STXBP6: variants seen among roughly 807,000 people sequenced by gnomAD.
STXBP6 encodes the protein syntaxin binding protein 6.
In STXBP6, 21 loss-of-function variants were observed where a neutral mutation model predicts 26.9. The observed-to-expected ratio is 0.78, with a 90% CI of 0.55 to 1.12. The LOEUF is 1.12. Among genes scored for constraint, STXBP6 ranks in the 50% most tolerant of loss-of-function variants. STXBP6 has a pLI of 0.00. For missense variants in STXBP6, 232 were observed against 257.9 expected, an observed-to-expected ratio of 0.90 and a Z score of 0.69; for synonymous variants, 97 against 92.6, an observed-to-expected ratio of 1.05 and a Z score of -0.27.
At chr14:24,952,106 G>T (rs576670648) in intron 2 of STXBP6, among the ~76,000 whole-genome samples, 61 of 151,494 alleles carry the variant, frequency 4.0e-4, no homozygotes, top group African/African-American at 1.5e-3. Context: ...AGAGGCAGTG[G>T]ATGGGAAATA....
At chr14:25,044,219 A>G (rs923606751) in intron 1 of STXBP6, among the ~76,000 whole-genome samples, 6 of 150,942 alleles carry the variant, frequency 4.0e-5, no homozygotes, top group Admixed American at 2.6e-4. Context: ...ATGAATATTC[A>G]TATTTTCATG....
intron 1 of STXBP6, among the ~76,000 whole-genome samples, chr14:25,031,909 C>T (rs1157868278): frequency 6.6e-6 from 1 of 151,928 alleles, no homozygotes; most frequent in Non-Finnish European, 1.5e-5. Context: ...TGGACCCCAA[C>T]GAAGAGCCTA....
intron 2 of STXBP6, among the ~76,000 whole-genome samples, chr14:24,963,336 T>C (rs918584400): frequency 5.9e-5 from 9 of 152,200 alleles, no homozygotes; most frequent in African/African-American, 1.9e-4. Flanking sequence ...TCTCAAGGAA[T>C]GAAGGCCAGG....
intron 2 of STXBP6, among the ~76,000 whole-genome samples, chr14:24,957,093 T>C (rs2073368486): frequency 6.6e-6 from 1 of 152,160 alleles, no homozygotes; most frequent in African/African-American, 2.4e-5. Flanking sequence ...GTGGTCTTAC[T>C]TAATTTACAC....
Position 24,810,368 on chromosome 14 carries a change from C to T in STXBP6, c.*2341G>A, listed in dbSNP as rs2138635827. 1 of 152,364 alleles carries T rather than the reference C, an allele frequency of 6.6e-6. No homozygotes were observed. Among genetic ancestry groups the T allele is most frequent in the Middle Eastern group, 3.4e-3 (1 of 298 alleles). The allele number at this position is 152,364 out of a possible 1,614,324, so 9.4% of individuals were successfully genotyped here. Reference sequence around the variant, plus strand: ...ACTTCACATGTGTTATCACTGGGCTCCTCTGCAAGAGGCTGGGAGGTAAAG... The same window carrying T: ...ACTTCACATGTGTTATCACTGGGCTTCTCTGCAAGAGGCTGGGAGGTAAAG... On this transcript the variant is annotated 3_prime_UTR_variant, in exon 6 of 6. Transcript: ENST00000323944.
At chr14:24,822,114 A>G (rs915122148) in intron 4 of STXBP6, among the ~76,000 whole-genome samples, 5 of 152,140 alleles carry the variant, frequency 3.3e-5, no homozygotes, top group African/African-American at 1.2e-4. Flanking sequence ...AGAATGACCC[A>G]AAGTCATCTT....
chr14:24,987,507 C>A (rs534689141), intron 1 of STXBP6, among the ~76,000 whole-genome samples: 1 of 152,360 alleles, frequency 6.6e-6, no homozygotes, highest in East Asian at 1.9e-4. Context: ...AGCAGGCAAG[C>A]ACATCAGCAT....
intron 2 of STXBP6, among the ~76,000 whole-genome samples, chr14:24,859,582 A>G (rs749258858): frequency 1.2e-4 from 18 of 152,138 alleles, no homozygotes; most frequent in Non-Finnish European, 2.2e-4. Context: ...AAAATACGCC[A>G]GTCACACAAA....
intron 2 of STXBP6, among the ~76,000 whole-genome samples, chr14:24,879,065 C>T (rs942344371): frequency 1.3e-5 from 2 of 151,740 alleles, no homozygotes; most frequent in Non-Finnish European, 2.9e-5. Context: ...AAATAAACAA[C>T]AAAAAACAAA....
At chr14:24,817,939 A>G (rs2068027508) in intron 5 of STXBP6, 1 of 413,390 alleles carries the variant, frequency 2.4e-6, no homozygotes, top group Non-Finnish European at 4.8e-6. Flanking sequence ...GGCAGGAGTC[A>G]TCCACTTAGA....
intron 1 of STXBP6, among the ~76,000 whole-genome samples, chr14:25,031,666 A>G (rs1169778047): frequency 1.3e-5 from 2 of 152,146 alleles, no homozygotes; most frequent in Non-Finnish European, 2.9e-5. Context: ...CAAAATAAAA[A>G]TGAGTGGTAA....
At chr14:24,994,442 T>C (rs918952376) in intron 1 of STXBP6, among the ~76,000 whole-genome samples, 22 of 152,174 alleles carry the variant, frequency 1.4e-4, no homozygotes, top group Admixed American at 1.4e-3. Flanking sequence ...CAAACCACTC[T>C]GAATTTCCTT....
intron 2 of STXBP6, among the ~76,000 whole-genome samples, chr14:24,943,613 T>C (rs966135050): frequency 1.3e-5 from 2 of 152,262 alleles, no homozygotes; most frequent in East Asian, 3.8e-4. Context: ...GGTTTACTTC[T>C]GAAGGAGGAC....
chr14:24,818,142 G>A (rs535844759), intron 5 of STXBP6: 8 of 456,686 alleles, frequency 1.8e-5, no homozygotes, highest in South Asian at 1.2e-4. Context: ...CAGATCATAA[G>A]CCTGACATGC....
intron 5 of STXBP6, 91 bp from the exon 6 acceptor site, chr14:24,812,823 A>G: frequency 4.8e-6 from 6 of 1,253,348 alleles, no homozygotes; most frequent in Non-Finnish European, 7.0e-6. Flanking sequence ...CACCTCCACA[A>G]TGAGAAGCAG....
At chr14:24,933,135 G>A (rs1416351160) in intron 2 of STXBP6, among the ~76,000 whole-genome samples, 2 of 152,308 alleles carry the variant, frequency 1.3e-5, no homozygotes, top group South Asian at 2.1e-4. Context: ...GATCTCAGGA[G>A]TTTGAGACCA....
At position 24,918,450 on chromosome 14, in the gene STXBP6, C is replaced by CA. The variant is rs2071849139; in HGVS notation, c.154+56214dup. Among the ~76,000 whole-genome samples the CA allele has an allele frequency of 1.7e-4, 16 of 95,924 alleles. No homozygotes were observed. The Admixed American group carries it at 1.7e-3, about 10-fold the overall frequency. The allele number at this position is 95,924 out of a possible 152,430, so 62.9% of individuals were successfully genotyped here. On this transcript the variant is annotated intron_variant, in intron 2 of 5. Coordinates refer to ENST00000323944, the MANE Select transcript of STXBP6 (RefSeq NM_001394410.1). ...GATTATTTCTTAAAAACCACACCCC[C>CA]ACCACACACACACACACACACACAC... is the stretch of plus-strand genomic sequence containing the variant.
At chr14:24,853,166 AC>A (rs926089379) in intron 4 of STXBP6, among the ~76,000 whole-genome samples, 7 of 152,070 alleles carry the variant, frequency 4.6e-5, no homozygotes. Flanking sequence ...ATAGGAAGAG[AC>A]CAAAAGATAC....
At chr14:24,996,347 C>T (rs546841218) in intron 1 of STXBP6, among the ~76,000 whole-genome samples, 2 of 152,178 alleles carry the variant, frequency 1.3e-5, no homozygotes, top group Admixed American at 1.3e-4. Flanking sequence ...CTTCCTCACA[C>T]CAAATTCCTT....
Sources: allele counts gnomAD v4.1 joint callset (sites outside exome capture counted in the v4.1 genomes callset), GRCh38; gene constraint gnomAD v4.1.1; transcripts MANE v1.5; gene names NCBI Gene and HGNC (gene_info 2026-07-23, HGNC 2026-07-21).